CEP131: variants seen among roughly 807,000 people sequenced by gnomAD.
The protein encoded by CEP131 is centrosomal protein 131.
A neutral mutation model predicts 136.8 loss-of-function variants in CEP131; 99 were observed. The ratio of observed to expected loss-of-function variants is 0.72; its 90% confidence interval spans 0.62 to 0.86. The LOEUF is 0.86. Ranked by LOEUF, CEP131 falls within the 40% of genes least tolerant of loss-of-function variation. CEP131 has a pLI of 0.00. For synonymous variants in CEP131, 646 were observed against 612.7 expected (o/e 1.05, Z -0.80); for missense variants, 1,459 against 1,463.0 (o/e 1.00, Z 0.04).
chr17:81,199,706 G>A lies in CEP131; in HGVS notation c.1023+13C>T, dbSNP rs769283944. On this transcript the variant is annotated intron_variant, in intron 9 of 25. Transcript: ENST00000450824. ...GCCACGGTGCTGCTCAGTGGTCCCTGCGCGGTCAGCACCTGAATGGCTGCT... is the reference window on the plus strand; with the variant it reads ...GCCACGGTGCTGCTCAGTGGTCCCTACGCGGTCAGCACCTGAATGGCTGCT... The A allele has an allele frequency of 3.5e-5, 57 of 1,606,642 alleles. No individual in the cohort carries two copies. In the Admixed American group the frequency reaches 9.3e-4, roughly 26 times the overall value.
intron 12 of CEP131, 21 bp downstream of exon 12, chr17:81,198,094 G>C (rs541334941): frequency 1.9e-5 from 30 of 1,542,126 alleles, no homozygotes; most frequent in Non-Finnish European, 2.6e-5. Context: ...ACTGTGCAGG[G>C]CGGGCGCACA....
rs577621719 is a variant in CEP131 at position 81,212,429 on chromosome 17, T to C, written c.178-3407A>G. ...GGGCGAGGTGCTGTCCAAGCAGCCC[T>C]GGACAGGAGTGGGGCCCGTGCAGAG... is the stretch of plus-strand genomic sequence containing the variant. On this transcript the variant is annotated intron_variant, in intron 2 of 25. Transcript: ENST00000450824. Among the ~76,000 whole-genome samples, 15 of 152,158 alleles carry C rather than the reference T, an allele frequency of 9.9e-5. No individual in the cohort carries two copies. The South Asian group carries it at 2.3e-3, about 23-fold the overall frequency.
At chr17:81,207,931 C>T (rs2062044930) in intron 3 of CEP131, among the ~76,000 whole-genome samples, 2 of 146,616 alleles carry the variant, frequency 1.4e-5, no homozygotes, top group Admixed American at 6.8e-5. Context: ...ACACACACCA[C>T]ACACCATACA....
At chr17:81,221,489 G>C (rs573419658) in intron 1 of CEP131, among the ~76,000 whole-genome samples, 46 of 152,286 alleles carry the variant, frequency 3.0e-4, no homozygotes, top group African/African-American at 1.1e-3. Context: ...TGCAAGATCT[G>C]GCCCTGTACT....
At position 81,191,076 on chromosome 17, in the gene CEP131, C is replaced by T. The variant is rs764018859; in HGVS notation, c.2774G>A (p.Arg925His). The change falls in exon 23 of 26, where the codon CGC becomes CAC. Residue 925 changes from arginine to histidine, a missense_variant. Physicochemically the swap from Arg to His is conservative, Grantham distance 29. This residue lies in a region of CEP131 where 1,026 missense variants were observed against 964.2 expected (regional missense o/e 1.06). Coordinates refer to ENST00000450824, the MANE Select transcript of CEP131 (RefSeq NM_014984.4). ...SEKAAESRIKRLRDKYEAELS... is the reference protein window; with the variant it reads ...SEKAAESRIKHLRDKYEAELS... ...CTCGGCCTCGTACTTGTCCCGTAAG[C>T]GCTTGATGCTGGAGGTGGGGGGAGG... is the stretch of plus-strand genomic sequence containing the variant. The T allele has an allele frequency of 8.7e-6, 14 of 1,602,736 alleles. No homozygotes were observed. The highest frequency in any genetic ancestry group is 6.8e-5 in the Admixed American group (4 of 59,180).
intron 2 of CEP131, among the ~76,000 whole-genome samples, chr17:81,210,133 C>CGGGAAAGTGGCGCTA (rs1311757121): frequency 6.6e-6 from 1 of 152,160 alleles, no homozygotes; most frequent in African/African-American, 2.4e-5. Context: ...AAGTGGCGCT[C>CGGGAAAGTGGCGCTA]GGGAAAGTGG....
chr17:81,196,821 C>T lies in CEP131; in HGVS notation c.1779G>A (p.Gln593=). 6.3e-7 allele frequency: 1 copy of T among 1,594,852 alleles called. No homozygotes were observed. The highest frequency in any genetic ancestry group is 8.5e-7 in the Non-Finnish European group (1 of 1,172,038). The change falls in exon 15 of 26, where the codon CAG becomes CAA. Residue 593 remains glutamine (Q), a synonymous_variant. Transcript: ENST00000450824. The stretch of plus-strand genomic sequence containing the variant: ...CCCGCCGGGCCGTGAGGTCTCGCTG[C>T]TGCGCCTGCAGGGTGTGGGCAGAGG... ...AMLLLQRALA[Q]QRDLTARRVK...
At chr17:81,196,556 G>T in intron 15 of CEP131, 145 bp downstream of exon 15, 1 of 1,289,568 alleles carries the variant, frequency 7.8e-7, no homozygotes, top group Non-Finnish European at 1.0e-6. Flanking sequence ...GGAATGGCAT[G>T]GGAAAGGCTT....
chr17:81,196,892 C>T, intron 14 of CEP131, 38 bp downstream of exon 14: 1 of 1,606,582 alleles, frequency 6.2e-7, no homozygotes, highest in Non-Finnish European at 8.5e-7. Context: ...AGGTAGGAGG[C>T]TAGCAGGGCC....
chr17:81,207,941 AC>A (rs1157262854), intron 3 of CEP131, among the ~76,000 whole-genome samples: 3 of 146,266 alleles, frequency 2.1e-5, no homozygotes, highest in East Asian at 2.0e-4. Flanking sequence ...CACACCATAC[AC>A]CACACACACC....
chr17:81,209,034 G>T lies in CEP131; in HGVS notation c.178-12C>A, dbSNP rs1218602399. 6.3e-7 allele frequency: 1 copy of T among 1,590,298 alleles called. No individual in the cohort carries two copies. The highest frequency in any genetic ancestry group is 8.6e-7 in the Non-Finnish European group (1 of 1,160,076). ...GGCCCTGTGGCCTCCTGCAAAAAGG[G>T]AGAAAACAGTTAATTATGCAGCAAA... On this transcript the variant is annotated splice_polypyrimidine_tract_variant and intron_variant, in intron 2 of 25. Coordinates refer to ENST00000450824, the MANE Select transcript of CEP131 (RefSeq NM_014984.4).
intron 2 of CEP131, among the ~76,000 whole-genome samples, chr17:81,209,575 G>C (rs1232032536): frequency 3.9e-5 from 4 of 101,424 alleles, no homozygotes; most frequent in African/African-American, 1.4e-4. Context: ...GGATCAGAGC[G>C]CTCGGAGAAG....
intron 5 of CEP131, among the ~76,000 whole-genome samples, chr17:81,205,102 T>C (rs2061975069): frequency 1.3e-5 from 2 of 151,128 alleles, no homozygotes; most frequent in South Asian, 4.2e-4. Flanking sequence ...CTACTAAAAA[T>C]ACAAAAATTA....
chr17:81,212,850 CTA>C (rs1309782823), intron 2 of CEP131, among the ~76,000 whole-genome samples: 1 of 152,176 alleles, frequency 6.6e-6, no homozygotes, highest in Non-Finnish European at 1.5e-5. Context: ...AGGTTACTAT[CTA>C]TAGACAGTGT....
In CEP131 at chr17:81,215,995, G is replaced by A. The variant is rs895801378; in HGVS notation, c.177+3885C>T. 6.6e-6 allele frequency among the ~76,000 whole-genome samples: 1 copy of A among 152,120 alleles called. No individual in the cohort carries two copies. The highest frequency in any genetic ancestry group is 2.4e-5 in the African/African-American group (1 of 41,434). On this transcript the variant is annotated intron_variant, in intron 2 of 25. Transcript: ENST00000450824. This position sits in a 1 kb window ranked among gnomAD's most constrained non-coding sequence, Gnocchi z 4.1. ...AATCCCAGCACTTTGGGAGGCCGAG[G>A]TGGGAGGATCGCTTCAGCCCAGGAG...
chr17:81,197,490 C>A lies in CEP131; in HGVS notation c.1647+222G>T, dbSNP rs546275757. Reference sequence around the variant, plus strand: ...GGCAGTATGGGGAATGCGGGCCCTGCCACCTCCACCCTGAGAGACCCGTGG... The same window carrying A: ...GGCAGTATGGGGAATGCGGGCCCTGACACCTCCACCCTGAGAGACCCGTGG... On this transcript the variant is annotated intron_variant, in intron 13 of 25. Coordinates refer to ENST00000450824, the MANE Select transcript of CEP131 (RefSeq NM_014984.4). 1.5e-5 allele frequency: 10 copies of A among 677,578 alleles called. No individual in the cohort carries two copies. The Admixed American group carries it at 2.9e-4, about 20-fold the overall frequency. The allele number at this position is 677,578 out of a possible 1,614,324, so 42.0% of individuals were successfully genotyped here. A position where few individuals can be genotyped will look rare whatever the true frequency, so the allele number is the denominator to read the frequency against.
Position 81,191,201 on chromosome 17 carries a change from G to A in CEP131, c.2757C>T (p.Ala919=), listed in dbSNP as rs140754308. The A allele has an allele frequency of 1.1e-4, 170 of 1,612,122 alleles. No homozygotes were observed. The African/African-American group carries it at 1.5e-3, about 15-fold the overall frequency. ...CCATGGCGGGTCCTTACCGGCTCTC[G>A]GCAGCCTTCTCACTCTCCTCCTTGG... ...ALAKEESEKA[A]ESRIKRLRDK... is the part of the protein sequence containing the mutation. Residue 919 remains alanine (A), a synonymous_variant, in exon 22 of 26, where the codon GCC becomes GCT. Transcript: ENST00000450824.
rs754501571 is a variant in CEP131, at chr17:81,197,007, C to T, written c.1696G>A (p.Val566Met). ...TTCAGCCGCATCACAGACGTGCTCA[C>T]CTCGGACCCCAGCTCCAGGGGCCCC... The part of the protein sequence containing the change: ...GPGPLELGSE[V>M]STSVMRLKLE... The change falls in exon 14 of 26, where the codon GTG (valine) becomes ATG (methionine). Residue 566 changes from valine to methionine, a missense_variant. By Grantham distance (21) the Val-to-Met change is conservative. Around this residue, in one of 3 missense-constraint regions of CEP131, gnomAD observed 1,026 missense variants for 964.2 expected, o/e 1.06. Coordinates refer to ENST00000450824, the MANE Select transcript of CEP131 (RefSeq NM_014984.4). 1.9e-6 allele frequency: 3 copies of T among 1,598,320 alleles called. No individual in the cohort carries two copies. The Admixed American group carries it at 5.1e-5, about 27-fold the overall frequency.
intron 16 of CEP131, 147 bp from the exon 17 acceptor site, chr17:81,195,119 A>G (rs997225558): frequency 3.7e-5 from 22 of 586,748 alleles, no homozygotes; most frequent in East Asian, 3.5e-4. Flanking sequence ...AGACAGAGCC[A>G]CTGCTGCCCT....
Sources: allele counts gnomAD v4.1 joint callset (sites outside exome capture counted in the v4.1 genomes callset), GRCh38; gene constraint gnomAD v4.1.1; regional missense constraint gnomAD v4.1.1; non-coding constraint Gnocchi (gnomAD v3.1); transcripts MANE v1.5; gene names NCBI Gene and HGNC (gene_info 2026-07-23, HGNC 2026-07-21).